CNTN1: variants seen among roughly 807,000 people sequenced by gnomAD.
CNTN1 encodes the protein contactin-1.
Under a neutral mutation model 126.4 loss-of-function variants are expected in CNTN1, and 38 were observed. That is an observed-to-expected ratio of 0.30 (90% CI 0.23 to 0.39). The LOEUF (loss-of-function observed/expected upper bound fraction) is 0.39. CNTN1 is among the 10% of genes least tolerant of loss of function. The pLI, the probability that CNTN1 is intolerant of heterozygous loss-of-function variation, is 1.00. For missense variants in CNTN1, 1,009 were observed against 1,248.4 expected, an observed-to-expected ratio of 0.81 and a Z score of 2.89; for synonymous variants, 413 against 422.6, an observed-to-expected ratio of 0.98 and a Z score of 0.28.
intron 1 of CNTN1, among the ~76,000 whole-genome samples, chr12:40,712,662 G>A (rs1490612685): frequency 6.6e-6 from 1 of 152,032 alleles, no homozygotes; most frequent in Non-Finnish European, 1.5e-5. Flanking sequence ...ATAAATGCCT[G>A]TTGTAATTTG....
chr12:41,040,923 T>C (rs1949389060), intron 23 of CNTN1, among the ~76,000 whole-genome samples: 1 of 143,964 alleles, frequency 6.9e-6, no homozygotes, highest in East Asian at 2.0e-4. Context: ...TCCTGCCTAA[T>C]TGCCCTGGCC....
chr12:41,006,787 C>T (rs948031441), intron 17 of CNTN1, among the ~76,000 whole-genome samples: 1 of 152,156 alleles, frequency 6.6e-6, no homozygotes, highest in African/African-American at 2.4e-5. Context: ...CAGACTGAGT[C>T]AAAGCATTTG....
At chr12:40,778,174 T>C (rs937757307) in intron 1 of CNTN1, among the ~76,000 whole-genome samples, 1 of 151,862 alleles carries the variant, frequency 6.6e-6, no homozygotes, top group Non-Finnish European at 1.5e-5. Flanking sequence ...CAAAACTATG[T>C]GAAGGCTTAT....
intron 1 of CNTN1, among the ~76,000 whole-genome samples, chr12:40,813,058 T>C (rs10879229): frequency 0.037 from 3,833 of 104,672 alleles, 189 homozygotes; most frequent in African/African-American, 0.099. Flanking sequence ...TTTCTTTCTT[T>C]CTTCCTTCCT....
intron 23 of CNTN1, among the ~76,000 whole-genome samples, chr12:41,048,775 AAG>A (rs1566216119): frequency 6.6e-6 from 1 of 152,130 alleles, no homozygotes; most frequent in Non-Finnish European, 1.5e-5. Flanking sequence ...GAAGGAGAGA[AAG>A]AGAAGGAAGG....
intron 23 of CNTN1, among the ~76,000 whole-genome samples, chr12:41,051,954 TTAAA>T (rs1949697131): frequency 7.0e-6 from 1 of 142,016 alleles, no homozygotes; most frequent in Admixed American, 7.0e-5. Flanking sequence ...AAACCTACAG[TTAAA>T]TAATCCATTC....
At chr12:40,842,108 T>C (rs1942308930) in intron 1 of CNTN1, among the ~76,000 whole-genome samples, 1 of 152,012 alleles carries the variant, frequency 6.6e-6, no homozygotes, top group Admixed American at 6.6e-5. Context: ...AAAAGGTCAC[T>C]TTGCTTGAGT....
chr12:40,795,665 C>A (rs1940401847), intron 1 of CNTN1, among the ~76,000 whole-genome samples: 1 of 151,868 alleles, frequency 6.6e-6, no homozygotes, highest in African/African-American at 2.4e-5. Flanking sequence ...AAGTTTTAAA[C>A]AAAACTATAC....
chr12:40,985,446 G>T (rs556211209), intron 16 of CNTN1, among the ~76,000 whole-genome samples: 5 of 152,032 alleles, frequency 3.3e-5, no homozygotes, highest in African/African-American at 1.2e-4. Context: ...ATCAGAAAAT[G>T]TCTTTAATTT....
At chr12:40,978,572 C>A (rs1437411171) in intron 15 of CNTN1, among the ~76,000 whole-genome samples, 3 of 151,950 alleles carry the variant, frequency 2.0e-5, no homozygotes, top group African/African-American at 7.2e-5. Flanking sequence ...AAGAACCTAC[C>A]ATAAGCCAGA....
chr12:40,992,643 A>G (rs992768927), intron 16 of CNTN1, among the ~76,000 whole-genome samples: 3 of 152,178 alleles, frequency 2.0e-5, no homozygotes, highest in Admixed American at 1.3e-4. Context: ...GTATAAATCT[A>G]TAAAACCAAG....
intron 1 of CNTN1, among the ~76,000 whole-genome samples, chr12:40,890,293 A>G (rs1212915987): frequency 6.6e-6 from 1 of 152,190 alleles, no homozygotes; most frequent in African/African-American, 2.4e-5. Context: ...CACTGTCAAC[A>G]TCCCGCACCA....
intron 1 of CNTN1, among the ~76,000 whole-genome samples, chr12:40,872,461 A>G (rs11178848): frequency 0.48 from 72,097 of 151,686 alleles, 17,897 homozygotes; most frequent in African/African-American, 0.63. Flanking sequence ...CTATATAGTT[A>G]TCTTGAGAGG....
intron 1 of CNTN1, chr12:40,729,377 C>G (rs1026158070): frequency 2.2e-4 from 33 of 153,122 alleles, no homozygotes; most frequent in African/African-American, 7.9e-4. Flanking sequence ...GAATTCCAGA[C>G]AGTCCTTGGA....
At chr12:40,807,285 A>G (rs908490466) in intron 1 of CNTN1, among the ~76,000 whole-genome samples, 1 of 151,872 alleles carries the variant, frequency 6.6e-6, no homozygotes, top group Non-Finnish European at 1.5e-5. Flanking sequence ...TGGTTCCCTC[A>G]ATTATTATTA....
chr12:40,901,545 A>T (rs550277231), intron 1 of CNTN1, among the ~76,000 whole-genome samples: 1 of 152,328 alleles, frequency 6.6e-6, no homozygotes, highest in East Asian at 1.9e-4. Flanking sequence ...GAAGGTTGGA[A>T]TGTTTGATAC....
At chr12:40,783,721 G>T (rs1939893359) in intron 1 of CNTN1, among the ~76,000 whole-genome samples, 1 of 151,996 alleles carries the variant, frequency 6.6e-6, no homozygotes. Context: ...CGTAAATCAG[G>T]TAATAAAAAA....
chr12:41,058,643 T>C (rs1949876396), intron 23 of CNTN1, among the ~76,000 whole-genome samples: 1 of 152,064 alleles, frequency 6.6e-6, no homozygotes, highest in African/African-American at 2.4e-5. Flanking sequence ...AATTTCAAGG[T>C]TTAACACCAT....
chr12:40,730,535 C>T (rs756963783), intron 1 of CNTN1, among the ~76,000 whole-genome samples: 2 of 152,168 alleles, frequency 1.3e-5, no homozygotes, highest in Non-Finnish European at 2.9e-5. Flanking sequence ...TTGAGAACCT[C>T]ATTAGAAATG....
Sources: gnomAD v4.1 joint callset for allele counts (sites outside exome capture counted in the v4.1 genomes callset) on GRCh38, gnomAD v4.1.1 for gene constraint, MANE v1.5 for transcripts, NCBI Gene and HGNC (gene_info 2026-07-23, HGNC 2026-07-21) for gene names.